Variants in ACOT7 observed in about 807,000 individuals in gnomAD.
ACOT7 encodes cytosolic acyl coenzyme A thioester hydrolase.
A neutral mutation model predicts 40.2 loss-of-function variants in ACOT7; 12 were observed. The ratio of observed to expected loss-of-function variants is 0.30; its 90% CI spans 0.19 to 0.48. The LOEUF is 0.48. Ranked by LOEUF, ACOT7 falls within the 20% of genes least tolerant of loss-of-function variation. The pLI, the probability that ACOT7 is intolerant of heterozygous loss-of-function variation, is 0.99. For synonymous variants in ACOT7, 228 were observed against 219.5 expected (o/e 1.04, Z -0.34); for missense variants, 395 against 530.8 (o/e 0.74, Z 2.51).
chr1:6,364,553 A>AG (rs1161145615), intron 1 of ACOT7, among the ~76,000 whole-genome samples: 11 of 147,300 alleles, frequency 7.5e-5, no homozygotes, highest in Non-Finnish European at 3.0e-5. Flanking sequence ...AAAAAAAAAA[A>AG]AAAGCCCAGC....
At chr1:6,318,601 T>C (rs762180189) in intron 5 of ACOT7, 23 bp from the exon 6 acceptor site, 1 of 1,610,548 alleles carries the variant, frequency 6.2e-7, no homozygotes, top group South Asian at 1.1e-5. Context: ...AAGAGAGAGA[T>C]TAGTTATGGG....
intron 2 of ACOT7, among the ~76,000 whole-genome samples, chr1:6,340,754 G>A (rs1385110538): frequency 1.3e-5 from 2 of 151,330 alleles, no homozygotes; most frequent in African/African-American, 4.9e-5. Context: ...TTCTTCTTTA[G>A]GCCGGGCGCG....
intron 6 of ACOT7, among the ~76,000 whole-genome samples, chr1:6,308,052 G>C (rs1350835290): frequency 6.7e-6 from 1 of 150,298 alleles, no homozygotes; most frequent in Non-Finnish European, 1.5e-5. Flanking sequence ...CAGGCAGAAG[G>C]AACAGCCACA....
Position 6,266,588 on chromosome 1 carries a change from C to T in ACOT7, c.1015-1893G>A, listed in dbSNP as rs114921326. ...TAGCAGGGCCCTGCCCCCTTTCCAT[C>T]TGCCGCTGCCCCAAATGGGGCACAT... On this transcript the variant is annotated intron_variant, in intron 8 of 8. Coordinates refer to ENST00000361521, the MANE Select transcript of ACOT7 (RefSeq NM_007274.4). Among the ~76,000 whole-genome samples, 527 of 152,392 alleles carry T rather than the reference C, an allele frequency of 3.5e-3. 2 individuals carry two copies. The highest frequency in any genetic ancestry group is 0.012 in the African/African-American group (507 of 41,598).
At chr1:6,321,177 A>G (rs895296700) in intron 5 of ACOT7, among the ~76,000 whole-genome samples, 2 of 152,170 alleles carry the variant, frequency 1.3e-5, no homozygotes, top group Non-Finnish European at 2.9e-5. Flanking sequence ...GTTATCCACC[A>G]TGGCCTCATC....
chr1:6,302,728 G>C (rs1404506292), intron 6 of ACOT7, among the ~76,000 whole-genome samples: 1 of 151,974 alleles, frequency 6.6e-6, no homozygotes, highest in Non-Finnish European at 1.5e-5. Context: ...ACAACCCTGG[G>C]CATCCTGTTG....
At chr1:6,304,326 AAAAAAAAG>A (rs1430953632) in intron 6 of ACOT7, among the ~76,000 whole-genome samples, 1 of 150,996 alleles carries the variant, frequency 6.6e-6, no homozygotes, top group Non-Finnish European at 1.5e-5. Context: ...CCAAAAAAAA[AAAAAAAAG>A]AAAGAAAAGA....
intron 1 of ACOT7, among the ~76,000 whole-genome samples, chr1:6,371,079 G>A (rs981226817): frequency 5.9e-5 from 9 of 152,268 alleles, no homozygotes; most frequent in Non-Finnish European, 1.2e-4. Context: ...AAAGTGCTGG[G>A]ATTACAGGCG....
rs57181755 is a variant in ACOT7, at chr1:6,299,640, C to CAGAG, written c.713-4664_713-4661dup. Among the ~76,000 whole-genome samples the CAGAG allele has an allele frequency of 1.1e-3, 168 of 148,388 alleles. 1 individual carries two copies. The highest frequency in any genetic ancestry group is 3.2e-3 in the African/African-American group (129 of 40,752). ...CTGACTAGGTACTAGGTCATGGCTT[C>CAGAG]AGAGAGAGAGAGAGAGAGAGCGCAA... On this transcript the variant is annotated intron_variant, in intron 6 of 8. Coordinates refer to ENST00000361521, the MANE Select transcript of ACOT7 (RefSeq NM_007274.4). The surrounding 1 kb of genome is among the most constrained non-coding windows in gnomAD (Gnocchi z 4.1).
chr1:6,264,385 CTG>C lies in ACOT7; in HGVS notation c.*210_*211del. The C allele has an allele frequency of 1.7e-6, 1 of 571,540 alleles. No homozygotes were observed. The highest frequency in any genetic ancestry group is 2.3e-5 in the South Asian group (1 of 44,278). 35.4% of individuals were successfully genotyped at this position (571,540 alleles called of 1,614,324 possible). A position where few individuals can be genotyped will look rare whatever the true frequency, so the allele number is the denominator to read the frequency against. ...ACGCCTCCCGGCGCTCGGGACAACA[CTG>C]TGTAGCATTGATACTGGAATGATAT... On this transcript the variant is annotated 3_prime_UTR_variant, in exon 9 of 9. Coordinates refer to ENST00000361521, the MANE Select transcript of ACOT7 (RefSeq NM_007274.4).
chr1:6,266,173 T>C (rs955944315), intron 8 of ACOT7, among the ~76,000 whole-genome samples: 1 of 152,252 alleles, frequency 6.6e-6, no homozygotes, highest in African/African-American at 2.4e-5. Context: ...GTTTGATCTC[T>C]GGCTGACTTT....
In ACOT7 at chr1:6,293,381, A is replaced by G. The variant is rs532299089; in HGVS notation, c.829+1483T>C. 3.9e-5 allele frequency among the ~76,000 whole-genome samples: 6 copies of G among 152,354 alleles called. No individual in the cohort carries two copies. The South Asian group carries it at 1.2e-3, about 32-fold the overall frequency. On this transcript the variant is annotated intron_variant, in intron 7 of 8. Coordinates refer to ENST00000361521, the MANE Select transcript of ACOT7 (RefSeq NM_007274.4). ...AATATGATGCCACAGATTCTCCTGCAGAGTCACGCACCACACAGGCCTGTG... is the reference window on the plus strand; with the variant it reads ...AATATGATGCCACAGATTCTCCTGCGGAGTCACGCACCACACAGGCCTGTG...
At chr1:6,365,437 C>CGT (rs1557669323) in intron 1 of ACOT7, among the ~76,000 whole-genome samples, 1 of 152,056 alleles carries the variant, frequency 6.6e-6, no homozygotes, top group Non-Finnish European at 1.5e-5. Flanking sequence ...TGTATAATAG[C>CGT]ATTATGCCTT....
chr1:6,281,213 G>A lies in ACOT7; in HGVS notation c.903C>T (p.Asp301=), dbSNP rs772753567. 3.5e-5 allele frequency: 56 copies of A among 1,614,026 alleles called. No homozygotes were observed. In the East Asian group the frequency reaches 5.8e-4, roughly 17 times the overall value. Residue 301 remains aspartate, a synonymous_variant, in exon 8 of 9, where the codon GAC becomes GAT. Transcript: ENST00000361521. ...NKSMEIEVLV[D]ADPVVDSSQK... is the part of the protein sequence containing the mutation. ...GAGAGCTGTCCACAACAGGGTCGGCGTCCACCAACACCTCGATCTCCATGG... is the reference window on the plus strand; with the variant it reads ...GAGAGCTGTCCACAACAGGGTCGGCATCCACCAACACCTCGATCTCCATGG...
intron 6 of ACOT7, chr1:6,295,293 A>G (rs994773056): frequency 1.3e-5 from 3 of 232,698 alleles, no homozygotes; most frequent in African/African-American, 2.3e-5. Context: ...GATGGCTGCA[A>G]TCCTGAAGTC....
intron 1 of ACOT7, among the ~76,000 whole-genome samples, chr1:6,388,314 T>C (rs921988199): frequency 5.3e-5 from 8 of 151,726 alleles, no homozygotes; most frequent in African/African-American, 2.4e-5. Flanking sequence ...TTTCACTGTG[T>C]TAGCCAGAAT....
chr1:6,308,954 T>C (rs551789919), intron 6 of ACOT7, among the ~76,000 whole-genome samples: 2 of 152,340 alleles, frequency 1.3e-5, no homozygotes, highest in South Asian at 4.1e-4. Context: ...AGACTGAAGA[T>C]AGCACAGAAT....
rs897796344 is a variant in ACOT7, at chr1:6,278,236, G to A, written c.1014+2866C>T. Among the ~76,000 whole-genome samples the A allele has an allele frequency of 1.3e-5, 2 of 152,166 alleles. No individual in the cohort carries two copies. The highest frequency in any genetic ancestry group is 1.9e-4 in the East Asian group (1 of 5,200). On this transcript the variant is annotated intron_variant, in intron 8 of 8. Coordinates refer to ENST00000361521, the MANE Select transcript of ACOT7 (RefSeq NM_007274.4). This position sits in a 1 kb window ranked among gnomAD's most constrained non-coding sequence, Gnocchi z 4.1. The stretch of plus-strand genomic sequence containing the variant: ...AGATGGGAGCAGCAGGTGCACAGGC[G>A]CCGGGCAGGAGTGAGCTTGCTGCAC...
chr1:6,269,233 T>C (rs1035983172), intron 8 of ACOT7, among the ~76,000 whole-genome samples: 2 of 152,202 alleles, frequency 1.3e-5, no homozygotes, highest in Non-Finnish European at 2.9e-5. Context: ...CAGGTCGTCC[T>C]ATGCCGAGGG....
Sources: allele counts gnomAD v4.1 joint callset (sites outside exome capture counted in the v4.1 genomes callset), GRCh38; gene constraint gnomAD v4.1.1; non-coding constraint Gnocchi (gnomAD v3.1); transcripts MANE v1.5; gene names NCBI Gene and HGNC (gene_info 2026-07-23, HGNC 2026-07-21).